MUC22: variants seen among roughly 807,000 people sequenced by gnomAD.
The protein encoded by MUC22 is mucin 22, also known as mucin-22.
Under a neutral mutation model 40.3 loss-of-function variants are expected in MUC22, and 24 were observed. That is an observed-to-expected ratio of 0.60 (90% CI 0.43 to 0.84). The LOEUF (loss-of-function observed/expected upper bound fraction) is 0.84. MUC22 is among the 40% of genes least tolerant of loss of function. MUC22 has a pLI of 0.00. For synonymous variants in MUC22, 765 were observed against 844.5 expected (o/e 0.91, Z 1.63); for missense variants, 1,926 against 2,130.7 (o/e 0.90, Z 1.89).
At chr6:31,019,218 T>C (rs1270294992) in intron 1 of MUC22, among the ~76,000 whole-genome samples, 1 of 152,240 alleles carries the variant, frequency 6.6e-6, no homozygotes, top group African/African-American at 2.4e-5. Context: ...TAGAAGTTGT[T>C]CTTGACTTCT....
At chr6:31,016,534 G>A (rs1764213186) in intron 1 of MUC22, among the ~76,000 whole-genome samples, 1 of 152,254 alleles carries the variant, frequency 6.6e-6, no homozygotes, top group Admixed American at 6.5e-5. Context: ...TGAAGTGCTG[G>A]AAGCTGAGCA....
intron 1 of MUC22, among the ~76,000 whole-genome samples, chr6:31,022,604 T>C (rs9368654): frequency 0.24 from 36,109 of 151,894 alleles, 4,608 homozygotes; most frequent in East Asian, 0.42. Flanking sequence ...ACTTGAGTAA[T>C]AATGAATTAT....
At chr6:31,020,743 G>C (rs528763183) in intron 1 of MUC22, among the ~76,000 whole-genome samples, 2 of 152,186 alleles carry the variant, frequency 1.3e-5, no homozygotes, top group Non-Finnish European at 2.9e-5. Context: ...AGCGGGAACC[G>C]GGACTGTGCG....
intron 1 of MUC22, among the ~76,000 whole-genome samples, chr6:31,018,592 T>C (rs1377424315): frequency 1.3e-5 from 2 of 152,402 alleles, no homozygotes; most frequent in Middle Eastern, 6.8e-3. Context: ...TTGTTATTTC[T>C]CTACTTTTTA....
At chr6:31,031,050 C>T (rs552952886) in intron 2 of MUC22, among the ~76,000 whole-genome samples, 3 of 152,352 alleles carry the variant, frequency 2.0e-5, no homozygotes, top group Non-Finnish European at 4.4e-5. Context: ...TTCTCTGGCA[C>T]TTGCCATCAG....
intron 1 of MUC22, among the ~76,000 whole-genome samples, chr6:31,020,504 G>T (rs943018744): frequency 1.4e-5 from 2 of 145,642 alleles, no homozygotes; most frequent in Non-Finnish European, 3.0e-5. Context: ...GAGCGTAATG[G>T]CACGATCTTG....
chr6:31,014,842 T>C (rs1261548056), intron 1 of MUC22, among the ~76,000 whole-genome samples: 1 of 152,184 alleles, frequency 6.6e-6, no homozygotes, highest in Non-Finnish European at 1.5e-5. Context: ...TTTTGTATTA[T>C]TTTATGATAC....
chr6:31,020,385 A>T (rs1764583936), intron 1 of MUC22, among the ~76,000 whole-genome samples: 2 of 151,934 alleles, frequency 1.3e-5, no homozygotes. Flanking sequence ...ATGAAGATGA[A>T]ATGAAGGCTT....
chr6:31,033,907 C>G (rs1048372789), intron 3 of MUC22, among the ~76,000 whole-genome samples: 2 of 152,162 alleles, frequency 1.3e-5, no homozygotes, highest in Non-Finnish European at 2.9e-5. Context: ...GAATTCTCAG[C>G]CTCTCTCCGT....
At chr6:31,008,653 A>G (rs1256012811), upstream of MUC22, among the ~76,000 whole-genome samples, 2 of 150,500 alleles carry the variant, frequency 1.3e-5, no homozygotes, top group African/African-American at 2.4e-5. Context: ...GGTTCAAGCA[A>G]TTCTCCTGCC....
At chr6:31,030,899 G>C (rs993333824) in intron 2 of MUC22, among the ~76,000 whole-genome samples, 17 of 152,140 alleles carry the variant, frequency 1.1e-4, no homozygotes, top group African/African-American at 3.6e-4. Context: ...TTTATGGTTT[G>C]TCTCCAGCTG....
chr6:31,029,906 G>C, exon 2 of MUC22: 1 of 1,515,880 alleles, frequency 6.6e-7, no homozygotes, highest in Non-Finnish European at 8.8e-7. Context: ...TTCATCATAG[G>C]CTCTGAGAGC....
rs58508214 is a variant in MUC22, at chr6:31,029,990, T to A, written c.4559T>A (p.Ile1520Asn). The change falls in exon 2 of 4, where the codon ATC becomes AAC. Residue 1520 changes from isoleucine (I) to asparagine (N), a missense_variant. Physicochemically the swap from Ile to Asn is moderately radical, Grantham distance 149 (BLOSUM62 -3). Around this residue, in one of 3 missense-constraint regions of MUC22, gnomAD observed 610 missense variants for 714.6 expected, o/e 0.85. Coordinates refer to ENST00000561890, the Ensembl canonical transcript of MUC22. ...GGCTCTGAGACCACCACAGTCTCTA[T>A]CACAGCTTCTGGGGCCACTGCAGCC... The A allele has an allele frequency of 7.5e-4, 1,145 of 1,535,748 alleles. 3 individuals are homozygous for A. The East Asian group carries it at 0.015, about 20-fold the overall frequency.
upstream of MUC22, chr6:31,006,272 C>G (rs551549676): frequency 4.3e-6 from 1 of 232,932 alleles, no homozygotes; most frequent in East Asian, 1.7e-4. Flanking sequence ...ATTTTTTAGA[C>G]GTTTATAAAC....
At chr6:31,034,979 G>T (rs1423487831) in exon 4 of MUC22, 1 of 1,516,158 alleles carries the variant, frequency 6.6e-7, no homozygotes, top group Non-Finnish European at 8.8e-7. Flanking sequence ...CACCAAGGAG[G>T]CCACGGCAGG....
chr6:31,032,394 A>G lies in MUC22; in HGVS notation c.4868A>G (p.Glu1623Gly), dbSNP rs1766130809. ...AGGACCACCACAGGATCCACCCGTG[A>G]GCCAACCAGCAGCACCTTCCAGGAA... Residue 1623 changes from glutamate (E) to glycine (G), a missense_variant, in exon 3 of 4, where the codon GAG (glutamate) becomes GGG (glycine). By Grantham distance (98) the Glu-to-Gly change is moderately conservative. This residue lies in a region of MUC22 where 610 missense variants were observed against 714.6 expected (regional missense o/e 0.85). Transcript: ENST00000561890. The surrounding 1 kb of genome is among the most constrained non-coding windows in gnomAD (Gnocchi z 4.1). 3 of 1,535,606 alleles carry G rather than the reference A, an allele frequency of 2.0e-6. No homozygotes were observed. The highest frequency in any genetic ancestry group is 8.7e-7 in the Non-Finnish European group (1 of 1,146,918).
intron 3 of MUC22, among the ~76,000 whole-genome samples, chr6:31,033,201 A>G (rs1205347779): frequency 2.0e-5 from 3 of 151,754 alleles, no homozygotes; most frequent in African/African-American, 4.9e-5. Flanking sequence ...GTAGGAAGGA[A>G]GGAAGGAGAG....
At chr6:31,034,524 G>C (rs4713423) in intron 3 of MUC22, 148 bp from the exon 4 acceptor site, 138,092 of 653,898 alleles carry the variant, frequency 0.21, 15,379 homozygotes, top group Admixed American at 0.27. Flanking sequence ...GACAGAGACA[G>C]AGATCATAGT....
rs1456166428 is a variant in MUC22, at chr6:31,011,022, TGGTGGGGC to T, written c.70+259_70+266del. Among the ~76,000 whole-genome samples the T allele has an allele frequency of 6.6e-6, 1 of 151,410 alleles. No individual in the cohort carries two copies. Among genetic ancestry groups the T allele is most frequent in the Non-Finnish European group, 1.5e-5 (1 of 67,896 alleles). On this transcript the variant is annotated intron_variant, in intron 1 of 3. Coordinates refer to ENST00000561890, the Ensembl canonical transcript of MUC22. The surrounding 1 kb of genome is among the most constrained non-coding windows in gnomAD (Gnocchi z 4.5). ...CCCCAGCTGTGGTTGTGAGCACATGTGGTGGGGCGGTGGGGCGGTGCTGGGGAAATGGA... is the reference window on the plus strand; with the variant it reads ...CCCCAGCTGTGGTTGTGAGCACATGTGGTGGGGCGGTGCTGGGGAAATGGA...
Sources: allele counts gnomAD v4.1 joint callset (sites outside exome capture counted in the v4.1 genomes callset), GRCh38; gene constraint gnomAD v4.1.1; regional missense constraint gnomAD v4.1.1; non-coding constraint Gnocchi (gnomAD v3.1); transcripts MANE v1.5; gene names NCBI Gene and HGNC (gene_info 2026-07-23, HGNC 2026-07-21).